The following DGKB variants were observed in gnomAD, a reference collection of about 807,000 sequenced individuals.
DGKB encodes 90 kDa diacylglycerol kinase.
A neutral mutation model predicts 114.3 loss-of-function variants in DGKB; 67 were observed. The observed-to-expected ratio is 0.59, with a 90% CI of 0.48 to 0.72. The LOEUF (loss-of-function observed/expected upper bound fraction) is 0.72. Ranked by LOEUF, DGKB falls within the 30% of genes least tolerant of loss-of-function variation. The pLI is 0.00. For synonymous variants in DGKB, 398 were observed against 323.1 expected, an observed-to-expected ratio of 1.23 and a Z score of -2.49; for missense variants, 907 against 975.2, an observed-to-expected ratio of 0.93 and a Z score of 0.93.
chr7:14,955,630 G>A (rs1786459179), intron 1 of DGKB, among the ~76,000 whole-genome samples: 1 of 151,922 alleles, frequency 6.6e-6, no homozygotes, highest in African/African-American at 2.4e-5. Context: ...GATGCTGGAA[G>A]GAAAGAAGGA....
chr7:14,560,433 A>G (rs543876604), intron 20 of DGKB, among the ~76,000 whole-genome samples: 1 of 152,202 alleles, frequency 6.6e-6, no homozygotes, highest in East Asian at 1.9e-4. Context: ...CATTTTATAT[A>G]CCTCATATAA....
At chr7:14,289,584 T>C (rs1038030896) in intron 23 of DGKB, among the ~76,000 whole-genome samples, 27 of 152,116 alleles carry the variant, frequency 1.8e-4, no homozygotes, top group African/African-American at 6.0e-4. Flanking sequence ...GAAAGAATAA[T>C]GTGTTATAAA....
intron 2 of DGKB, among the ~76,000 whole-genome samples, chr7:14,760,094 TA>T (rs1418843258): frequency 6.6e-6 from 1 of 152,184 alleles, no homozygotes; most frequent in Non-Finnish European, 1.5e-5. Context: ...GACCATTTTT[TA>T]ATTGGACGGT....
intron 23 of DGKB, among the ~76,000 whole-genome samples, chr7:14,246,318 T>C (rs371274454): frequency 7.3e-4 from 111 of 152,280 alleles, no homozygotes; most frequent in African/African-American, 2.5e-3. Context: ...TGTTTTAAAA[T>C]GAATGTAATT....
At chr7:14,259,275 T>C (rs1252441591) in intron 23 of DGKB, among the ~76,000 whole-genome samples, 1 of 152,092 alleles carries the variant, frequency 6.6e-6, no homozygotes, top group Non-Finnish European at 1.5e-5. Flanking sequence ...GAGCAAAAAT[T>C]ATGTAAAAAT....
intron 4 of DGKB, among the ~76,000 whole-genome samples, chr7:14,741,656 CCTTTCTCTGAGCTACA>C (rs1226108476): frequency 6.6e-6 from 1 of 152,196 alleles, no homozygotes; most frequent in Non-Finnish European, 1.5e-5. Context: ...TGTGAATCTT[CCTTTCTCTGAGCTACA>C]CTTAGACGTT....
At chr7:14,735,523 G>GT (rs1237236182) in intron 5 of DGKB, among the ~76,000 whole-genome samples, 5 of 152,090 alleles carry the variant, frequency 3.3e-5, no homozygotes, top group African/African-American at 1.2e-4. Flanking sequence ...AGGTATTAAT[G>GT]TAAGTATGCA....
chr7:14,550,510 G>A (rs1186294511), intron 20 of DGKB, among the ~76,000 whole-genome samples: 1 of 152,042 alleles, frequency 6.6e-6, no homozygotes, highest in Admixed American at 6.6e-5. Flanking sequence ...TCTTCCAAAA[G>A]GATATGAAGT....
At chr7:14,766,155 C>G (rs1438569426) in intron 2 of DGKB, among the ~76,000 whole-genome samples, 1 of 151,998 alleles carries the variant, frequency 6.6e-6, no homozygotes, top group African/African-American at 2.4e-5. Context: ...CAAATATTCT[C>G]AAGCCACCTA....
chr7:14,322,278 T>C (rs1807965208), intron 23 of DGKB, among the ~76,000 whole-genome samples: 1 of 152,156 alleles, frequency 6.6e-6, no homozygotes, highest in South Asian at 2.1e-4. Flanking sequence ...ATCTACTATC[T>C]GACACTACAG....
intron 1 of DGKB, among the ~76,000 whole-genome samples, chr7:14,962,997 C>T (rs768179111): frequency 1.3e-5 from 2 of 151,996 alleles, no homozygotes; most frequent in Non-Finnish European, 2.9e-5. Flanking sequence ...TTCTCTCTTC[C>T]GTTCTCATAT....
chr7:14,521,424 C>T, intron 20 of DGKB, among the ~76,000 whole-genome samples: 1 of 152,046 alleles, frequency 6.6e-6, no homozygotes, highest in East Asian at 1.9e-4. Flanking sequence ...TGATATTTAT[C>T]TTATTTGTGG....
intron 20 of DGKB, among the ~76,000 whole-genome samples, chr7:14,483,852 C>G (rs1428833507): frequency 6.6e-6 from 1 of 152,072 alleles, no homozygotes; most frequent in Non-Finnish European, 1.5e-5. Context: ...GTTTTGTTCT[C>G]CATCACCTCT....
intron 23 of DGKB, among the ~76,000 whole-genome samples, chr7:14,306,666 T>C (rs1804533517): frequency 1.3e-5 from 2 of 152,170 alleles, no homozygotes; most frequent in Admixed American, 1.3e-4. Flanking sequence ...GGTTTTCTTT[T>C]AAGAGGCGTA....
intron 6 of DGKB, among the ~76,000 whole-genome samples, chr7:14,710,445 A>T (rs1418597330): frequency 2.6e-5 from 4 of 152,214 alleles, no homozygotes; most frequent in African/African-American, 9.6e-5. Context: ...ATAAACAATG[A>T]ATTTCAATTT....
intron 21 of DGKB, among the ~76,000 whole-genome samples, chr7:14,370,127 G>T (rs1563038311): frequency 6.6e-6 from 1 of 152,088 alleles, no homozygotes; most frequent in Non-Finnish European, 1.5e-5. Flanking sequence ...TTTTGTATAA[G>T]GTGTAAGGAA....
chr7:14,231,631 AATGTGTGTGTGT>A (rs1244028381), intron 23 of DGKB, among the ~76,000 whole-genome samples: 4 of 151,594 alleles, frequency 2.6e-5, no homozygotes, highest in Non-Finnish European at 5.9e-5. Context: ...TGTGTGTGTG[AATGTGTGTGTGT>A]ACATATATTT....
intron 1 of DGKB, among the ~76,000 whole-genome samples, chr7:14,942,997 C>G (rs1562892542): frequency 1.3e-5 from 2 of 151,710 alleles, no homozygotes; most frequent in African/African-American, 2.4e-5. Flanking sequence ...GGGATGTAGT[C>G]TATTTCATAC....
chr7:14,890,157 C>T (rs1780960278), intron 1 of DGKB, among the ~76,000 whole-genome samples: 1 of 151,458 alleles, frequency 6.6e-6, no homozygotes, highest in Non-Finnish European at 1.5e-5. Context: ...AGGGCACATG[C>T]TATATTGTGT....
Sources: allele counts gnomAD v4.1 joint callset (sites outside exome capture counted in the v4.1 genomes callset), GRCh38; gene constraint gnomAD v4.1.1; transcripts MANE v1.5; gene names NCBI Gene and HGNC (gene_info 2026-07-23, HGNC 2026-07-21).